The following CNTNAP2 variants were observed in gnomAD, a reference collection of about 807,000 sequenced individuals.
The protein encoded by CNTNAP2 is contactin-associated protein-like 2.
Under a neutral mutation model 155.2 loss-of-function variants are expected in CNTNAP2, and 98 were observed. The observed-to-expected ratio is 0.63, with a 90% confidence interval of 0.54 to 0.75. The LOEUF (loss-of-function observed/expected upper bound fraction) is 0.75. Ranked by LOEUF, CNTNAP2 falls within the 30% of genes least tolerant of loss-of-function variation. The pLI is 0.00. For missense variants in CNTNAP2, 1,727 were observed against 1,688.1 expected, an observed-to-expected ratio of 1.02 and a Z score of -0.40; for synonymous variants, 651 against 631.2, an observed-to-expected ratio of 1.03 and a Z score of -0.47.
rs116646098 is a variant in CNTNAP2 at position 147,502,162 on chromosome 7, T to C, written c.1777+16121T>C. ...AAAATATCCTTATCAATGCAAGCTA[T>C]ACAATCAAGGAATCTCTATCAAATT... On this transcript the variant is annotated intron_variant, in intron 11 of 23. Transcript: ENST00000361727. Among the ~76,000 whole-genome samples the C allele has an allele frequency of 5.6e-3, 846 of 152,224 alleles. 9 individuals carry two copies. Among genetic ancestry groups the C allele is most frequent in the African/African-American group, 0.019 (791 of 41,534 alleles).
At position 146,397,637 on chromosome 7, in the gene CNTNAP2, G is replaced by A. The variant is rs118001869; in HGVS notation, c.97+280664G>A. On this transcript the variant is annotated intron_variant, in intron 1 of 23. Transcript: ENST00000361727. ...ATCTCTACTCCTTATGTTTCCAATA[G>A]TTTAAGTGATTTTGAAATGAAGTTT... 3.1e-4 allele frequency among the ~76,000 whole-genome samples: 47 copies of A among 152,144 alleles called. No homozygotes were observed. The East Asian group carries it at 8.7e-3, about 28-fold the overall frequency.
At chr7:146,623,786 G>C (rs562458032) in intron 1 of CNTNAP2, among the ~76,000 whole-genome samples, 1 of 152,224 alleles carries the variant, frequency 6.6e-6, no homozygotes, top group South Asian at 2.1e-4. Flanking sequence ...GGGTCTTATA[G>C]TGAGACCATA....
chr7:147,239,481 G>A (rs951965809), intron 8 of CNTNAP2, among the ~76,000 whole-genome samples: 4 of 148,610 alleles, frequency 2.7e-5, no homozygotes, highest in Non-Finnish European at 5.9e-5. Context: ...CTGCACTCCA[G>A]CCTGGGCAAT....
At chr7:147,350,977 T>C in intron 9 of CNTNAP2, among the ~76,000 whole-genome samples, 1 of 151,968 alleles carries the variant, frequency 6.6e-6, no homozygotes, top group Admixed American at 6.6e-5. Flanking sequence ...ATTTTTAATA[T>C]AAATTAATTT....
chr7:146,450,315 A>T (rs530342188), intron 1 of CNTNAP2, among the ~76,000 whole-genome samples: 140 of 152,296 alleles, frequency 9.2e-4, no homozygotes, highest in African/African-American at 3.0e-3. Context: ...CCCAAATCTG[A>T]CAGATTTTAA....
intron 1 of CNTNAP2, among the ~76,000 whole-genome samples, chr7:146,439,276 T>C (rs753470780): frequency 1.3e-5 from 2 of 151,628 alleles, no homozygotes; most frequent in African/African-American, 2.4e-5. Flanking sequence ...TTCTCTCATA[T>C]AGTATGCTTG....
intron 15 of CNTNAP2, among the ~76,000 whole-genome samples, chr7:148,116,738 A>G (rs1225636641): frequency 6.6e-6 from 1 of 152,252 alleles, no homozygotes; most frequent in African/African-American, 2.4e-5. Flanking sequence ...AGTAACTTTT[A>G]TTTGAAAATA....
intron 4 of CNTNAP2, among the ~76,000 whole-genome samples, chr7:147,049,951 G>A (rs1314710310): frequency 2.6e-5 from 4 of 152,096 alleles, no homozygotes; most frequent in African/African-American, 4.8e-5. Flanking sequence ...GGAGAATTTC[G>A]TTCCAGGCCA....
intron 1 of CNTNAP2, among the ~76,000 whole-genome samples, chr7:146,667,453 A>C (rs1289618897): frequency 6.6e-6 from 1 of 151,682 alleles, no homozygotes; most frequent in African/African-American, 2.4e-5. Flanking sequence ...TTATTTGGCT[A>C]TTTGGGTCTT....
At chr7:147,301,188 G>A (rs1338854804) in intron 9 of CNTNAP2, among the ~76,000 whole-genome samples, 1 of 152,006 alleles carries the variant, frequency 6.6e-6, no homozygotes, top group African/African-American at 2.4e-5. Flanking sequence ...CAAACATCTT[G>A]GTTCTTAAGT....
At chr7:146,255,071 A>G (rs996560066) in intron 1 of CNTNAP2, among the ~76,000 whole-genome samples, 1 of 152,222 alleles carries the variant, frequency 6.6e-6, no homozygotes, top group Non-Finnish European at 1.5e-5. Context: ...AAGATTGGGT[A>G]GAATAATTCA....
intron 2 of CNTNAP2, among the ~76,000 whole-genome samples, chr7:146,817,058 G>A (rs116395114): frequency 0.015 from 2,237 of 152,330 alleles, 51 homozygotes; most frequent in African/African-American, 0.049. Context: ...AATGGTTAGA[G>A]TTGATGGACG....
intron 10 of CNTNAP2, among the ~76,000 whole-genome samples, chr7:147,481,194 G>A (rs948907669): frequency 9.2e-5 from 14 of 152,114 alleles, no homozygotes; most frequent in Admixed American, 2.6e-4. Flanking sequence ...TAGATAAAAA[G>A]CCTTCAACGT....
intron 8 of CNTNAP2, among the ~76,000 whole-genome samples, chr7:147,199,026 G>A (rs536924032): frequency 6.7e-6 from 1 of 148,974 alleles, no homozygotes; most frequent in Non-Finnish European, 1.5e-5. Context: ...CAATGGCGTG[G>A]TCTCAGCTCA....
intron 9 of CNTNAP2, among the ~76,000 whole-genome samples, chr7:147,311,171 A>G (rs2116795413): frequency 6.6e-6 from 1 of 152,342 alleles, no homozygotes; most frequent in South Asian, 2.1e-4. Context: ...AGATGGGCCT[A>G]GGAGAAAGTT....
Position 146,814,264 on chromosome 7 carries a change from T to TTTC in CNTNAP2, c.209-25444_209-25442dup, listed in dbSNP as rs570119471. Among the ~76,000 whole-genome samples, 17 of 152,300 alleles carry TTTC rather than the reference T, an allele frequency of 1.1e-4. No individual in the cohort carries two copies. In the East Asian group the frequency reaches 2.9e-3, roughly 26 times the overall value. ...TGAATCTAGGCTTCTTCCCTAGCCA[T>TTTC]TTCTTGGAGGTAGCCCCTTTGGAAG... is the stretch of plus-strand genomic sequence containing the variant. On this transcript the variant is annotated intron_variant, in intron 2 of 23. Coordinates refer to ENST00000361727, the MANE Select transcript of CNTNAP2 (RefSeq NM_014141.6).
At chr7:147,035,401 A>C (rs1160621253) in intron 3 of CNTNAP2, among the ~76,000 whole-genome samples, 1 of 152,228 alleles carries the variant, frequency 6.6e-6, no homozygotes, top group Non-Finnish European at 1.5e-5. Flanking sequence ...ATTTTGACAT[A>C]AGTTGTTAGC....
chr7:148,394,491 G>T (rs1284368182), intron 22 of CNTNAP2, among the ~76,000 whole-genome samples: 1 of 151,486 alleles, frequency 6.6e-6, no homozygotes, highest in Non-Finnish European at 1.5e-5. Flanking sequence ...GTTCATCCTT[G>T]CACATTTGCT....
chr7:146,749,017 C>T (rs753263202), intron 1 of CNTNAP2, among the ~76,000 whole-genome samples: 3 of 152,118 alleles, frequency 2.0e-5, no homozygotes, highest in Non-Finnish European at 4.4e-5. Flanking sequence ...TATTGTGTAG[C>T]GAGGGCATAC....
Sources: gnomAD v4.1 joint callset for allele counts (sites outside exome capture counted in the v4.1 genomes callset) on GRCh38, gnomAD v4.1.1 for gene constraint, MANE v1.5 for transcripts, NCBI Gene and HGNC (gene_info 2026-07-23, HGNC 2026-07-21) for gene names.